Variants in OXR1 observed in about 807,000 individuals in gnomAD.
The protein encoded by OXR1 is oxidation resistance 1, also known as oxidation resistance protein 1.
Under a neutral mutation model 104.6 loss-of-function variants are expected in OXR1, and 41 were observed. The ratio of observed to expected loss-of-function variants is 0.39; its 90% CI spans 0.31 to 0.51. The LOEUF (loss-of-function observed/expected upper bound fraction) is 0.51. Among genes scored for constraint, OXR1 ranks in the 20% least tolerant of loss-of-function variants. The probability of loss-of-function intolerance (pLI) is 0.77; values close to 1 mark genes in which losing one functional copy is unlikely to be tolerated. For missense variants in OXR1, 955 were observed against 1,031.9 expected (o/e 0.93, Z 1.02); for synonymous variants, 348 against 348.4 (o/e 1.00, Z 0.01).
rs570644035 is a variant in OXR1 at position 106,365,431 on chromosome 8, G to GA, written c.23+5807dup. On this transcript the variant is annotated intron_variant, in intron 2 of 16. Transcript: ENST00000517566. ...ATTAAGAGAAAATAACCTAGGAAGA[G>GA]AAAAAAAAAAAAGAATAGAATAGCC... 8.8e-3 allele frequency among the ~76,000 whole-genome samples: 1,026 copies of GA among 116,112 alleles called. 10 individuals are homozygous for GA. Among genetic ancestry groups the GA allele is most frequent in the African/African-American group, 0.029 (932 of 32,302 alleles). 76.2% of individuals were successfully genotyped at this position (116,112 alleles called of 152,430 possible).
At position 106,397,074 on chromosome 8, in the gene OXR1, A is replaced by G. The variant is rs545084231; in HGVS notation, c.23+37438A>G. Among the ~76,000 whole-genome samples the G allele has an allele frequency of 1.2e-4, 19 of 152,180 alleles. No homozygotes were observed. In the East Asian group the frequency reaches 3.1e-3, roughly 25 times the overall value. The stretch of plus-strand genomic sequence containing the variant: ...TGTGTAAATTATTCATATTGCATTG[A>G]GTATCCTGGAAAGTTTGTCCAAAAA... On this transcript the variant is annotated intron_variant, in intron 2 of 16. Coordinates refer to ENST00000517566, the MANE Select transcript of OXR1 (RefSeq NM_001198533.2).
intron 3 of OXR1, among the ~76,000 whole-genome samples, chr8:106,606,018 G>C (rs900787479): frequency 9.9e-5 from 15 of 152,092 alleles, no homozygotes; most frequent in African/African-American, 3.6e-4. Flanking sequence ...TCCTATTGCA[G>C]TTGTGACAAG....
At chr8:106,667,848 A>G (rs1457774381) in intron 3 of OXR1, among the ~76,000 whole-genome samples, 1 of 152,040 alleles carries the variant, frequency 6.6e-6, no homozygotes, top group Non-Finnish European at 1.5e-5. Flanking sequence ...TTCTATGTGT[A>G]TGTACATATA....
At chr8:106,542,171 T>C (rs1187044214) in intron 3 of OXR1, among the ~76,000 whole-genome samples, 1 of 152,158 alleles carries the variant, frequency 6.6e-6, no homozygotes, top group Non-Finnish European at 1.5e-5. Flanking sequence ...GGCAGATTTT[T>C]TCCCAAGACC....
chr8:106,334,589 A>T (rs1323701742), intron 1 of OXR1, among the ~76,000 whole-genome samples: 4 of 152,180 alleles, frequency 2.6e-5, no homozygotes, highest in African/African-American at 9.7e-5. Context: ...AGTTCACTTA[A>T]CTTGAATTAG....
rs146042281 is a variant in OXR1, at chr8:106,405,071, C to T, written c.23+45435C>T. Among the ~76,000 whole-genome samples, 98 of 150,182 alleles carry T rather than the reference C, an allele frequency of 6.5e-4. No homozygotes were observed. In the East Asian group the frequency reaches 0.017, roughly 26 times the overall value. On this transcript the variant is annotated intron_variant, in intron 2 of 16. Coordinates refer to ENST00000517566, the MANE Select transcript of OXR1 (RefSeq NM_001198533.2). ...ATCAAACATGTAGTATCAGTGCTTTCTTCACTTCTGAAGAGGAAGTCATTA... is the reference window on the plus strand; with the variant it reads ...ATCAAACATGTAGTATCAGTGCTTTTTTCACTTCTGAAGAGGAAGTCATTA...
chr8:106,682,432 T>C (rs1828264614), intron 4 of OXR1: 1 of 151,158 alleles, frequency 6.6e-6, no homozygotes, highest in South Asian at 2.1e-4. Flanking sequence ...CACACTCTGC[T>C]CATTTTTTTT....
intron 2 of OXR1, among the ~76,000 whole-genome samples, chr8:106,442,877 A>AT (rs1010709666): frequency 4.6e-5 from 7 of 151,786 alleles, no homozygotes; most frequent in Admixed American, 2.6e-4. Flanking sequence ...CTGCATTAAG[A>AT]TTTTTTGGAG....
intron 2 of OXR1, among the ~76,000 whole-genome samples, chr8:106,516,113 T>A (rs1328669531): frequency 6.6e-6 from 1 of 152,086 alleles, no homozygotes; most frequent in African/African-American, 2.4e-5. Flanking sequence ...CATTGTGCCC[T>A]CCCTGCTCCA....
chr8:106,305,740 G>A (rs1259202746), intron 1 of OXR1, among the ~76,000 whole-genome samples: 1 of 151,936 alleles, frequency 6.6e-6, no homozygotes, highest in Non-Finnish European at 1.5e-5. Context: ...GCAGTGTTCT[G>A]TATCTAAGAT....
intron 3 of OXR1, among the ~76,000 whole-genome samples, chr8:106,634,901 T>A (rs1823005289): frequency 6.6e-6 from 1 of 151,664 alleles, no homozygotes; most frequent in African/African-American, 2.4e-5. Context: ...CCAGCAACAT[T>A]GGCACTACCT....
At chr8:106,365,136 A>G (rs964692095) in intron 2 of OXR1, among the ~76,000 whole-genome samples, 1 of 152,154 alleles carries the variant, frequency 6.6e-6, no homozygotes, top group Admixed American at 6.6e-5. Flanking sequence ...GAAAAAATAA[A>G]GAGAAAGGTT....
At chr8:106,629,498 A>C (rs1171710471) in intron 3 of OXR1, among the ~76,000 whole-genome samples, 5 of 152,178 alleles carry the variant, frequency 3.3e-5, no homozygotes, top group Non-Finnish European at 5.9e-5. Flanking sequence ...AATTTGGTAA[A>C]AATAGCAGAT....
rs778112081 is a variant in OXR1, at chr8:106,710,704, G to C, written c.1707G>C (p.Thr569=). The part of the protein sequence containing the change: ...CLRVGKPMRK[T]FVSQASATMQ... ...GAGTTGGAAAACCAATGAGGAAAAC[G>C]TTTGTATCTCAAGCAAGTGCTACAA... is the stretch of plus-strand genomic sequence containing the variant. Residue 569 remains threonine, a synonymous_variant, in exon 10 of 17, where the codon ACG becomes ACC. Transcript: ENST00000517566. 1 of 1,604,006 alleles carries C rather than the reference G, an allele frequency of 6.2e-7. No individual in the cohort carries two copies. The highest frequency in any genetic ancestry group is 8.5e-7 in the Non-Finnish European group (1 of 1,174,520).
chr8:106,484,283 C>T (rs1380476040), intron 2 of OXR1, among the ~76,000 whole-genome samples: 1 of 151,766 alleles, frequency 6.6e-6, no homozygotes, highest in Non-Finnish European at 1.5e-5. Context: ...TTCAAAATAA[C>T]AAAAAGAGTA....
intron 2 of OXR1, among the ~76,000 whole-genome samples, chr8:106,452,766 A>G (rs1456193181): frequency 6.6e-6 from 1 of 152,088 alleles, no homozygotes; most frequent in Non-Finnish European, 1.5e-5. Flanking sequence ...CTTGTTGAAA[A>G]TTCTTCCCAG....
chr8:106,396,900 AAAT>A (rs1245493411), intron 2 of OXR1, among the ~76,000 whole-genome samples: 1 of 152,120 alleles, frequency 6.6e-6, no homozygotes, highest in Non-Finnish European at 1.5e-5. Context: ...AATTATTTAA[AAAT>A]AAAATTTTAT....
chr8:106,372,334 C>A lies in OXR1; in HGVS notation c.23+12698C>A, dbSNP rs377755298. Among the ~76,000 whole-genome samples, 41 of 152,318 alleles carry A rather than the reference C, an allele frequency of 2.7e-4. 1 individual carries two copies. In the South Asian group the frequency reaches 8.1e-3, roughly 30 times the overall value. Reference sequence around the variant, plus strand: ...TCTTCCTTCTCTCTGTGAGTCACACCAGCCTTCTAATCAATTTTGATGAGA... The same window carrying A: ...TCTTCCTTCTCTCTGTGAGTCACACAAGCCTTCTAATCAATTTTGATGAGA... On this transcript the variant is annotated intron_variant, in intron 2 of 16. Transcript: ENST00000517566.
chr8:106,740,527 C>T, intron 14 of OXR1, 32 bp downstream of exon 14: 1 of 1,554,416 alleles, frequency 6.4e-7, no homozygotes. Flanking sequence ...GATTGCTTAT[C>T]CTTTAAGAGC....
Sources: allele counts gnomAD v4.1 joint callset (sites outside exome capture counted in the v4.1 genomes callset), GRCh38; gene constraint gnomAD v4.1.1; transcripts MANE v1.5; gene names NCBI Gene and HGNC (gene_info 2026-07-23, HGNC 2026-07-21).